ANKS1B: variants seen among roughly 807,000 people sequenced by gnomAD.
ANKS1B encodes the protein ankyrin repeat and sterile alpha motif domain-containing protein 1B.
Under a neutral mutation model 148.3 loss-of-function variants are expected in ANKS1B, and 36 were observed. The ratio of observed to expected loss-of-function variants is 0.24; its 90% CI spans 0.19 to 0.32. The LOEUF is 0.32. Ranked by LOEUF, ANKS1B falls within the 10% of genes least tolerant of loss-of-function variation. ANKS1B has a pLI of 1.00. For synonymous variants in ANKS1B, 542 were observed against 560.8 expected (o/e 0.97, Z 0.47); for missense variants, 1,157 against 1,542.6 (o/e 0.75, Z 4.19).
chr12:98,979,895 CAT>C (rs913224950), intron 17 of ANKS1B, among the ~76,000 whole-genome samples: 4 of 152,076 alleles, frequency 2.6e-5, no homozygotes, highest in African/African-American at 9.7e-5. Flanking sequence ...CCCAAATATA[CAT>C]GTTAGACTGC....
In ANKS1B at chr12:99,246,568, T is replaced by G. The variant is rs1335277318; in HGVS notation, c.2053A>C (p.Thr685Pro). ...HKKSNQLENH[T>P]IVGTRSTRSG... ...CTGGTTGATCTTGTGCCAACAATGGTATGGTTTTCGAGTTGGTTGCTTTTT... is the reference window on the plus strand; with the variant it reads ...CTGGTTGATCTTGTGCCAACAATGGGATGGTTTTCGAGTTGGTTGCTTTTT... Residue 685 changes from threonine (T) to proline (P), a missense_variant, in exon 13 of 27, where the codon ACC (threonine) becomes CCC (proline). Around this residue, in one of 6 missense-constraint regions of ANKS1B, gnomAD observed 661 missense variants for 642.1 expected, o/e 1.03. Coordinates refer to ENST00000683438, the MANE Select transcript of ANKS1B (RefSeq NM_001352186.2). 6.2e-7 allele frequency: 1 copy of G among 1,613,804 alleles called. No homozygotes were observed. Among genetic ancestry groups the G allele is most frequent in the South Asian group, 1.1e-5 (1 of 91,088 alleles).
chr12:99,844,982 T>A (rs1265056114), intron 1 of ANKS1B, among the ~76,000 whole-genome samples: 4 of 152,174 alleles, frequency 2.6e-5, no homozygotes, highest in African/African-American at 9.7e-5. Context: ...GGTATTTTAT[T>A]CTTTTTGTGG....
intron 1 of ANKS1B, among the ~76,000 whole-genome samples, chr12:99,874,831 T>C (rs1419513573): frequency 6.6e-6 from 1 of 152,212 alleles, no homozygotes; most frequent in Non-Finnish European, 1.5e-5. Context: ...AAGATAAAAC[T>C]TACATCACAA....
intron 10 of ANKS1B, among the ~76,000 whole-genome samples, chr12:99,463,087 A>G (rs530922222): frequency 1.3e-5 from 2 of 152,336 alleles, no homozygotes; most frequent in African/African-American, 4.8e-5. Flanking sequence ...GCTTTCACAA[A>G]TAATTCACAC....
chr12:99,710,971 C>A (rs1313980627), intron 8 of ANKS1B, among the ~76,000 whole-genome samples: 1 of 152,050 alleles, frequency 6.6e-6, no homozygotes, highest in Non-Finnish European at 1.5e-5. Flanking sequence ...CCTCCTATCA[C>A]CCAGGCTGAA....
At chr12:99,125,870 A>G (rs928879546) in intron 15 of ANKS1B, among the ~76,000 whole-genome samples, 2 of 152,144 alleles carry the variant, frequency 1.3e-5, no homozygotes, top group African/African-American at 4.8e-5. Flanking sequence ...AATATTTGAA[A>G]GCAGCCAGAT....
At chr12:98,867,954 C>T (rs1294435645) in intron 17 of ANKS1B, among the ~76,000 whole-genome samples, 2 of 152,134 alleles carry the variant, frequency 1.3e-5, no homozygotes, top group African/African-American at 4.8e-5. Flanking sequence ...TTCTCTGCAT[C>T]ACCCAACTTC....
chr12:99,199,739 A>T (rs184787743), intron 14 of ANKS1B, among the ~76,000 whole-genome samples: 3 of 152,280 alleles, frequency 2.0e-5, no homozygotes, highest in East Asian at 3.9e-4. Flanking sequence ...AGAGAGATAG[A>T]AGGTAGAAAA....
chr12:98,794,562 C>A, intron 22 of ANKS1B: 3 of 724,624 alleles, frequency 4.1e-6, no homozygotes, highest in Non-Finnish European at 5.0e-6. Context: ...GCAATGATTG[C>A]AAGGTGTTCA....
chr12:99,671,894 C>G (rs1290798211), intron 8 of ANKS1B, among the ~76,000 whole-genome samples: 1 of 151,868 alleles, frequency 6.6e-6, no homozygotes, highest in African/African-American at 2.4e-5. Context: ...TAACGCTAGC[C>G]AAAGAAAATA....
At chr12:99,446,204 G>C (rs955043646) in intron 10 of ANKS1B, among the ~76,000 whole-genome samples, 1 of 151,970 alleles carries the variant, frequency 6.6e-6, no homozygotes, top group South Asian at 2.1e-4. Flanking sequence ...AGGCAAGAAA[G>C]CTGGAACAAA....
At chr12:99,691,247 G>A (rs2098677753) in intron 8 of ANKS1B, among the ~76,000 whole-genome samples, 1 of 152,088 alleles carries the variant, frequency 6.6e-6, no homozygotes, top group African/African-American at 2.4e-5. Flanking sequence ...GTGATGGGAG[G>A]GCCTTCTATG....
chr12:99,252,207 G>C (rs1196414166), intron 12 of ANKS1B, among the ~76,000 whole-genome samples: 2 of 152,164 alleles, frequency 1.3e-5, no homozygotes, highest in African/African-American at 2.4e-5. Flanking sequence ...GATATGAAAA[G>C]TCCCTAAGGC....
At chr12:99,484,090 T>C (rs2096454398) in intron 10 of ANKS1B, among the ~76,000 whole-genome samples, 2 of 152,012 alleles carry the variant, frequency 1.3e-5, no homozygotes, top group Non-Finnish European at 2.9e-5. Flanking sequence ...CAACATAAGG[T>C]TGTTAAAATT....
intron 8 of ANKS1B, among the ~76,000 whole-genome samples, chr12:99,698,625 C>T (rs2054296002): frequency 6.6e-6 from 1 of 152,166 alleles, no homozygotes; most frequent in Admixed American, 6.5e-5. Flanking sequence ...CAATAACACT[C>T]TACAGCAAAC....
chr12:99,532,266 G>T (rs73147366), intron 9 of ANKS1B, among the ~76,000 whole-genome samples: 1 of 151,882 alleles, frequency 6.6e-6, no homozygotes, highest in East Asian at 1.9e-4. Context: ...ATTATTTGCC[G>T]AAGGCAATAT....
intron 8 of ANKS1B, among the ~76,000 whole-genome samples, chr12:99,714,031 C>T (rs928885396): frequency 1.3e-5 from 2 of 152,190 alleles, no homozygotes; most frequent in Non-Finnish European, 2.9e-5. Context: ...AATGTACTGA[C>T]ATTTATGAGT....
At chr12:99,173,295 C>T (rs918647786) in intron 14 of ANKS1B, among the ~76,000 whole-genome samples, 1 of 152,116 alleles carries the variant, frequency 6.6e-6, no homozygotes, top group Admixed American at 6.6e-5. Flanking sequence ...AGAAAAATGT[C>T]TCAACCTGAA....
At chr12:98,839,966 C>T (rs10492274) in intron 17 of ANKS1B, among the ~76,000 whole-genome samples, 3,360 of 152,170 alleles carry the variant, frequency 0.022, 115 homozygotes, top group African/African-American at 0.077. Flanking sequence ...AGACTCTAGG[C>T]GCTGAAAAGT....
Sources: gnomAD v4.1 joint callset for allele counts (sites outside exome capture counted in the v4.1 genomes callset) on GRCh38, gnomAD v4.1.1 for gene constraint, gnomAD v4.1.1 regional missense constraint, MANE v1.5 for transcripts, NCBI Gene and HGNC (gene_info 2026-07-23, HGNC 2026-07-21) for gene names.